The following CCDC9B variants were observed in gnomAD, a reference collection of about 807,000 sequenced individuals.
CCDC9B encodes the protein coiled-coil domain containing 9B.
CCDC9B carries 40 observed loss-of-function variants against 47.2 expected under a neutral mutation model. The observed-to-expected ratio is 0.85, with a 90% confidence interval of 0.66 to 1.10. The LOEUF is 1.10. Ranked by LOEUF, CCDC9B falls within the 50% of genes least tolerant of loss-of-function variation. The pLI is 0.00. For missense variants in CCDC9B, 662 were observed against 651.0 expected (o/e 1.02, Z -0.18); for synonymous variants, 238 against 250.7 (o/e 0.95, Z 0.48).
intron 7 of CCDC9B, 147 bp downstream of exon 7, chr15:40,337,241 G>T: frequency 1.3e-6 from 1 of 797,744 alleles, no homozygotes. Context: ...GCCCTCCTCT[G>T]ATAGTGAGGG....
In CCDC9B at chr15:40,335,321, C is replaced by T; in HGVS notation, c.1310G>A (p.Gly437Glu). 2 of 1,613,688 alleles carry T rather than the reference C, an allele frequency of 1.2e-6. No homozygotes were observed. The highest frequency in any genetic ancestry group is 2.2e-5 in the East Asian group (1 of 44,876). Residue 437 changes from glycine to glutamate, a missense_variant, in exon 11 of 11, where the codon GGA becomes GAA. Gly to Glu is a moderately conservative substitution (Grantham distance 98). Coordinates refer to ENST00000397536, the MANE Select transcript of CCDC9B (RefSeq NM_207380.3). The part of the protein sequence containing the change: ...EVQTCPEPQR[G>E]AGLPEPGEDR... Reference sequence around the variant, plus strand: ...TTCTCCGGGCTCTGGGAGCCCTGCTCCTCTCTGTGGCTCAGGGCAAGTCTG... The same window carrying T: ...TTCTCCGGGCTCTGGGAGCCCTGCTTCTCTCTGTGGCTCAGGGCAAGTCTG...
Position 40,336,754 on chromosome 15 carries a change from A to T in CCDC9B, c.796+6T>A, listed in dbSNP as rs1376405612. ...GAGACCTGGCCCCTCCTCCTCCCCA[A>T]CTCACCTTTTCCATCAGGGAGCAAT... On this transcript the variant is annotated splice_donor_region_variant and intron_variant, in intron 8 of 10. Coordinates refer to ENST00000397536, the MANE Select transcript of CCDC9B (RefSeq NM_207380.3). The T allele has an allele frequency of 6.3e-7, 1 of 1,597,990 alleles. No individual in the cohort carries two copies. The highest frequency in any genetic ancestry group is 1.4e-5 in the African/African-American group (1 of 73,438).
Position 40,338,918 on chromosome 15 carries a change from C to T in CCDC9B, c.232-15G>A, listed in dbSNP as rs746714322. Reference sequence around the variant, plus strand: ...ACCCGCTTTTCCTGCAGAACAAAGACCCTCAGGCCACATGGGCAGTGCTGG... The same window carrying T: ...ACCCGCTTTTCCTGCAGAACAAAGATCCTCAGGCCACATGGGCAGTGCTGG... On this transcript the variant is annotated splice_polypyrimidine_tract_variant and intron_variant, in intron 3 of 10. Coordinates refer to ENST00000397536, the MANE Select transcript of CCDC9B (RefSeq NM_207380.3). The T allele has an allele frequency of 6.2e-6, 10 of 1,614,004 alleles. No individual in the cohort carries two copies. The African/African-American group carries it at 1.2e-4, about 19-fold the overall frequency.
At position 40,337,898 on chromosome 15, in the gene CCDC9B, A is replaced by G. The variant is rs1457685653; in HGVS notation, c.514-5T>C. On this transcript the variant is annotated splice_region_variant and splice_polypyrimidine_tract_variant and intron_variant, in intron 5 of 10. Coordinates refer to ENST00000397536, the MANE Select transcript of CCDC9B (RefSeq NM_207380.3). ...GCTCCAGGGCTCCCAAGAACCCTGTAGGGAGAAGACACTCAGAGTGAGGGG... is the reference window on the plus strand; with the variant it reads ...GCTCCAGGGCTCCCAAGAACCCTGTGGGGAGAAGACACTCAGAGTGAGGGG... 3.1e-6 allele frequency: 5 copies of G among 1,592,934 alleles called. No individual in the cohort carries two copies. Among genetic ancestry groups the G allele is most frequent in the Non-Finnish European group, 2.6e-6 (3 of 1,169,958 alleles).
chr15:40,337,335 G>C (rs1888984098), intron 7 of CCDC9B, 53 bp downstream of exon 7: 1 of 1,487,648 alleles, frequency 6.7e-7, no homozygotes, highest in Middle Eastern at 1.7e-4. Context: ...GGACAAGGGG[G>C]TGAAAGATGA....
Position 40,333,588 on chromosome 15 carries a change from AGAC to A in CCDC9B, c.*1567_*1569del, listed in dbSNP as rs1342065645. The A allele has an allele frequency of 2.0e-5, 3 of 150,656 alleles. No homozygotes were observed. Among genetic ancestry groups the A allele is most frequent in the African/African-American group, 7.3e-5 (3 of 40,912 alleles). 9.3% of individuals were successfully genotyped at this position (150,656 alleles called of 1,614,324 possible). A position where few individuals can be genotyped will look rare whatever the true frequency, so the allele number is the denominator to read the frequency against. ...AACTAAAAAAAAAAAAAAAAAAAAAAGACGAACTCTCAGGCCCTCCCCAGACCA... is the reference window on the plus strand; with the variant it reads ...AACTAAAAAAAAAAAAAAAAAAAAAAGAACTCTCAGGCCCTCCCCAGACCA... On this transcript the variant is annotated 3_prime_UTR_variant, in exon 11 of 11. Transcript: ENST00000397536.
chr15:40,338,532 C>T lies in CCDC9B; in HGVS notation c.513+3G>A, dbSNP rs759539440. The T allele has an allele frequency of 4.5e-5, 73 of 1,613,384 alleles. No homozygotes were observed. The highest frequency in any genetic ancestry group is 6.1e-5 in the Non-Finnish European group (72 of 1,179,654). On this transcript the variant is annotated splice_donor_region_variant and intron_variant, in intron 5 of 10. Transcript: ENST00000397536. ...ATGTCCCCATCCCCTCTTGAAGACA[C>T]ACCTTCCGTGCAGAATCTGAGCTGA...
rs148587090 is a variant in CCDC9B, at chr15:40,336,224, C to T, written c.887+350G>A. ...TAAATCCAACTATTTCCTCTGAATA[C>T]CACGCACTCTGGGCCCATCCTGGGT... On this transcript the variant is annotated intron_variant, in intron 9 of 10. Coordinates refer to ENST00000397536, the MANE Select transcript of CCDC9B (RefSeq NM_207380.3). The T allele has an allele frequency of 1.2e-4, 121 of 985,444 alleles. No individual in the cohort carries two copies. The Middle Eastern group carries it at 2.6e-3, about 21-fold the overall frequency. The allele number at this position is 985,444 out of a possible 1,614,324, so 61.0% of individuals were successfully genotyped here.
Position 40,337,673 on chromosome 15 carries a change from A to G in CCDC9B, c.683+51T>C, listed in dbSNP as rs1888993326. Reference sequence around the variant, plus strand: ...CCTGCAGCCCTCCCAGCAGTGCCCGAAGCCAGCTCCATCCCGCACCACAGG... The same window carrying G: ...CCTGCAGCCCTCCCAGCAGTGCCCGGAGCCAGCTCCATCCCGCACCACAGG... On this transcript the variant is annotated intron_variant, in intron 6 of 10. Transcript: ENST00000397536. 6.5e-6 allele frequency: 10 copies of G among 1,537,786 alleles called. No homozygotes were observed. The South Asian group carries it at 1.1e-4, about 17-fold the overall frequency.
chr15:40,337,206 AGAGGGGAGGATGG>A, intron 7 of CCDC9B, 169 bp downstream of exon 7: 1 of 731,778 alleles, frequency 1.4e-6, no homozygotes, highest in Non-Finnish European at 2.5e-6. Flanking sequence ...CTGTGGGCTC[AGAGGGGAGGATGG>A]GAGGTCTTGG....
At chr15:40,337,651 G>A in intron 6 of CCDC9B, 73 bp downstream of exon 6, 1 of 1,487,104 alleles carries the variant, frequency 6.7e-7, no homozygotes, top group Non-Finnish European at 9.0e-7. Context: ...GAGGGTCCCT[G>A]CAGCCCTCCC....
chr15:40,339,278 C>T (rs562732926), intron 3 of CCDC9B: 17 of 586,590 alleles, frequency 2.9e-5, no homozygotes, highest in Admixed American at 1.5e-4. Flanking sequence ...GTGGCATAGG[C>T]GCAGGGCTGT....
intron 5 of CCDC9B, 49 bp downstream of exon 5, chr15:40,338,486 C>T: frequency 6.3e-7 from 1 of 1,590,772 alleles, no homozygotes; most frequent in South Asian, 1.1e-5. Context: ...CTGCCTCCCC[C>T]AAGTGAGGAC....
chr15:40,333,566 T>TAGAA lies in CCDC9B; in HGVS notation c.*1591_*1592insTTCT, dbSNP rs1888897450. 1 of 65,530 alleles carries TAGAA rather than the reference T, an allele frequency of 1.5e-5. No individual in the cohort carries two copies. The highest frequency in any genetic ancestry group is 2.7e-5 in the Non-Finnish European group (1 of 36,798). The allele number at this position is 65,530 out of a possible 1,614,324, so 4.1% of individuals were successfully genotyped here. On this transcript the variant is annotated 3_prime_UTR_variant, in exon 11 of 11. Coordinates refer to ENST00000397536, the MANE Select transcript of CCDC9B (RefSeq NM_207380.3). ...TAGGTGATAACAGCAGGACCCTAACTAAAAAAAAAAAAAAAAAAAAAAGAC... is the reference window on the plus strand; with the variant it reads ...TAGGTGATAACAGCAGGACCCTAACTAGAAAAAAAAAAAAAAAAAAAAAAAAGAC...
rs375937138 is a variant in CCDC9B, at chr15:40,337,398, G to C, written c.732C>G (p.Gly244=). 3 of 1,609,352 alleles carry C rather than the reference G, an allele frequency of 1.9e-6. No individual in the cohort carries two copies. The highest frequency in any genetic ancestry group is 2.5e-6 in the Non-Finnish European group (3 of 1,177,592). ...TAGGTGTGGGCTCACCCCTTCTGCT[G>C]CCTGCCCTGGCCGGGCCTTCTCCCC... The part of the protein sequence containing the change: ...QLRGEGPARA[G]SRRGPRSHQK... The change falls in exon 7 of 11, where the codon GGC becomes GGG. Residue 244 remains glycine, a synonymous_variant. Transcript: ENST00000397536.
At chr15:40,337,646 T>A in intron 6 of CCDC9B, 78 bp downstream of exon 6, 1 of 1,457,952 alleles carries the variant, frequency 6.9e-7, no homozygotes, top group Admixed American at 2.2e-5. Flanking sequence ...CCGAGGAGGG[T>A]CCCTGCAGCC....
chr15:40,335,949 G>T, intron 9 of CCDC9B, 123 bp from the exon 10 acceptor site: 1 of 1,522,180 alleles, frequency 6.6e-7, no homozygotes, highest in South Asian at 1.2e-5. Flanking sequence ...GGGACCCCAT[G>T]GTTTAGGCCT....
rs561319207 is a variant in CCDC9B at position 40,335,453 on chromosome 15, C to T, written c.1178G>A (p.Cys393Tyr). ...GGCCCCAGGCCTCAGACCGAGCACA[C>T]ACCCGCTCTCCCTGGGCCCAGGGAT... ...AGIPGPRESG[C>Y]VLGLRPGAQE... is the part of the protein sequence containing the mutation. The change falls in exon 11 of 11, where the codon TGT (cysteine) becomes TAT (tyrosine). Residue 393 changes from cysteine (C) to tyrosine (Y), a missense_variant. Physicochemically the swap from Cys to Tyr is radical, Grantham distance 194 (BLOSUM62 -2). Transcript: ENST00000397536. The T allele has an allele frequency of 3.1e-6, 5 of 1,605,848 alleles. No homozygotes were observed. The South Asian group carries it at 5.5e-5, about 18-fold the overall frequency.
Position 40,335,161 on chromosome 15 carries a change from G to A in CCDC9B, c.1470C>T (p.Cys490=). ...RTGRPGPAGR[C] is the part of the protein sequence containing the mutation. ...CCCCAGCTCCCAGGAGCTGTGTTCA[G>A]CATCTTCCTGCCGGGCCAGGGCGCC... Residue 490 remains cysteine (C), a synonymous_variant, in exon 11 of 11, where the codon TGC becomes TGT. Coordinates refer to ENST00000397536, the MANE Select transcript of CCDC9B (RefSeq NM_207380.3). The A allele has an allele frequency of 6.6e-7, 1 of 1,505,744 alleles. No individual in the cohort carries two copies. The highest frequency in any genetic ancestry group is 1.3e-5 in the South Asian group (1 of 75,422). The allele number at this position is 1,505,744 out of a possible 1,614,324, so 93.3% of individuals were successfully genotyped here.
Sources: gnomAD v4.1 joint callset for allele counts on GRCh38, gnomAD v4.1.1 for gene constraint, MANE v1.5 for transcripts, NCBI Gene and HGNC (gene_info 2026-07-23, HGNC 2026-07-21) for gene names.